Variants in APBA2 observed in about 807,000 individuals in gnomAD.
APBA2 encodes amyloid beta precursor protein binding family A member 2.
In APBA2, 30 loss-of-function variants were observed where a neutral mutation model predicts 75.0. The observed-to-expected ratio is 0.40, with a 90% CI of 0.30 to 0.54. The LOEUF is 0.54. APBA2 is among the 20% of genes least tolerant of loss of function. APBA2 has a pLI of 0.49. For missense variants in APBA2, 801 were observed against 1,016.1 expected (o/e 0.79, Z 2.88); for synonymous variants, 444 against 409.6 (o/e 1.08, Z -1.01).
intron 13 of APBA2, among the ~76,000 whole-genome samples, chr15:29,112,561 GA>G (rs2044793335): frequency 6.6e-6 from 1 of 152,150 alleles, no homozygotes; most frequent in Non-Finnish European, 1.5e-5. Flanking sequence ...TCCAGGATAA[GA>G]GGGCCCTGGG....
At chr15:28,997,866 C>T (rs2038616690) in intron 3 of APBA2, among the ~76,000 whole-genome samples, 1 of 152,210 alleles carries the variant, frequency 6.6e-6, no homozygotes, top group South Asian at 2.1e-4. Flanking sequence ...TGCTCTCACC[C>T]ATCTGCAGTG....
At chr15:29,007,403 A>G (rs527952678) in intron 3 of APBA2, among the ~76,000 whole-genome samples, 1 of 152,338 alleles carries the variant, frequency 6.6e-6, no homozygotes, top group South Asian at 2.1e-4. Context: ...ATCTAATATA[A>G]AAACTTCCTC....
intron 4 of APBA2, among the ~76,000 whole-genome samples, chr15:29,062,692 A>T (rs2042182396): frequency 6.6e-6 from 1 of 152,188 alleles, no homozygotes; most frequent in African/African-American, 2.4e-5. Context: ...CAGAGCATGT[A>T]AAGCTCTCCC....
At chr15:28,891,015 A>G (rs1346300809) in intron 1 of APBA2, among the ~76,000 whole-genome samples, 2 of 152,024 alleles carry the variant, frequency 1.3e-5, no homozygotes, top group Non-Finnish European at 2.9e-5. Context: ...AAGTTAAGAG[A>G]AAAAAAATAT....
At chr15:29,076,635 C>T (rs1177001037) in intron 6 of APBA2, among the ~76,000 whole-genome samples, 1 of 152,118 alleles carries the variant, frequency 6.6e-6, no homozygotes, top group Admixed American at 6.5e-5. Context: ...TGCAGGGCCC[C>T]TGTAGGAGAT....
At chr15:29,095,782 G>C (rs2043821649) in intron 8 of APBA2, among the ~76,000 whole-genome samples, 1 of 152,232 alleles carries the variant, frequency 6.6e-6, no homozygotes, top group Admixed American at 6.5e-5. Flanking sequence ...AGGAGCAGGA[G>C]AGGAAGGATC....
rs187302261 is a variant in APBA2 at position 29,054,018 on chromosome 15, G to A, written c.134G>A (p.Gly45Asp). 119 of 1,613,894 alleles carry A rather than the reference G, an allele frequency of 7.4e-5. No homozygotes were observed. In the Admixed American group the frequency reaches 1.9e-3, roughly 25 times the overall value. ...CCCTTGGAGGGCTATGTGCCCGAGGGCCTGGAGCTGGCTGCCCTGCGGCCA... is the reference window on the plus strand; with the variant it reads ...CCCTTGGAGGGCTATGTGCCCGAGGACCTGGAGCTGGCTGCCCTGCGGCCA... ...ELPLEGYVPE[G>D]LELAALRPES... Residue 45 changes from glycine to aspartate, a missense_variant, in exon 4 of 15, where the codon GGC becomes GAC. This residue lies in a region of APBA2 where 434 missense variants were observed against 471.6 expected (regional missense o/e 0.92). Coordinates refer to ENST00000683413, the MANE Select transcript of APBA2 (RefSeq NM_001353788.2). This position sits in a 1 kb window ranked among gnomAD's most constrained non-coding sequence, Gnocchi z 6.1.
intron 1 of APBA2, among the ~76,000 whole-genome samples, chr15:28,892,326 C>T (rs140159633): frequency 0.27 from 41,331 of 152,094 alleles, 5,905 homozygotes; most frequent in Non-Finnish European, 0.3. Context: ...CCGCCCACCT[C>T]GGCCTCCCAA....
chr15:28,978,177 C>T (rs1438259025), intron 2 of APBA2, among the ~76,000 whole-genome samples: 1 of 152,204 alleles, frequency 6.6e-6, no homozygotes, highest in Admixed American at 6.5e-5. Context: ...CCCTCTTGGG[C>T]GTTTGCCAAA....
At chr15:29,015,091 G>T (rs879238955) in intron 3 of APBA2, among the ~76,000 whole-genome samples, 2 of 152,104 alleles carry the variant, frequency 1.3e-5, no homozygotes, top group Non-Finnish European at 2.9e-5. Context: ...TGTGCCTGAA[G>T]AATAGCGCTT....
intron 3 of APBA2, among the ~76,000 whole-genome samples, chr15:28,997,833 A>C (rs970448724): frequency 2.6e-5 from 4 of 152,210 alleles, no homozygotes; most frequent in African/African-American, 9.6e-5. Flanking sequence ...GCAATAGAGA[A>C]GGTGCTGGGC....
At chr15:28,922,237 G>T (rs939801884) in intron 2 of APBA2, among the ~76,000 whole-genome samples, 1 of 152,116 alleles carries the variant, frequency 6.6e-6, no homozygotes, top group Non-Finnish European at 1.5e-5. Flanking sequence ...GGTTCTTTCC[G>T]CTCGACCTGG....
chr15:29,108,033 G>A (rs138112539), intron 12 of APBA2, among the ~76,000 whole-genome samples: 114 of 152,296 alleles, frequency 7.5e-4, no homozygotes, highest in African/African-American at 2.3e-3. Context: ...GGCACCCTGC[G>A]CATGGTGGGA....
intron 3 of APBA2, among the ~76,000 whole-genome samples, chr15:29,006,561 C>T (rs1431245083): frequency 6.6e-6 from 1 of 152,214 alleles, no homozygotes; most frequent in Non-Finnish European, 1.5e-5. Context: ...AATGGACTCA[C>T]AGTTCCACAT....
chr15:28,911,729 T>C (rs1013533638), intron 1 of APBA2, among the ~76,000 whole-genome samples: 1 of 152,226 alleles, frequency 6.6e-6, no homozygotes, highest in African/African-American at 2.4e-5. Context: ...AGTCCCCCCT[T>C]GGCTGTGCTG....
chr15:29,094,011 C>G (rs761425496), intron 7 of APBA2, among the ~76,000 whole-genome samples: 3 of 152,248 alleles, frequency 2.0e-5, no homozygotes, highest in Non-Finnish European at 2.9e-5. Flanking sequence ...GAGCTCAGCT[C>G]CCCTTCCTGC....
chr15:28,908,404 A>G (rs1022181136), intron 1 of APBA2, among the ~76,000 whole-genome samples: 5 of 150,040 alleles, frequency 3.3e-5, no homozygotes, highest in African/African-American at 5.0e-5. Flanking sequence ...TCCGCCTCCC[A>G]GGTTCACGCC....
intron 2 of APBA2, among the ~76,000 whole-genome samples, chr15:28,953,398 T>C (rs1290578195): frequency 6.6e-6 from 1 of 152,088 alleles, no homozygotes. Context: ...AGAAGTCTCT[T>C]GCTCCCACTC....
Position 29,101,637 on chromosome 15 carries a change from C to T in APBA2, c.1377C>T (p.Tyr459=). 6.2e-7 allele frequency: 1 copy of T among 1,613,708 alleles called. No homozygotes were observed. Among genetic ancestry groups the T allele is most frequent in the African/African-American group, 1.3e-5 (1 of 75,076 alleles). Residue 459 remains tyrosine (Y), a synonymous_variant, in exon 10 of 15, where the codon TAC becomes TAT. Transcript: ENST00000683413. ...ACCACGCCTTGCGTACCATCTCCTACATCGCCGACATTGGGAACATTGTAG... is the reference window on the plus strand; with the variant it reads ...ACCACGCCTTGCGTACCATCTCCTATATCGCCGACATTGGGAACATTGTAG... ...MMDHALRTIS[Y]IADIGNIVVL...
Sources: allele counts gnomAD v4.1 joint callset (sites outside exome capture counted in the v4.1 genomes callset), GRCh38; gene constraint gnomAD v4.1.1; regional missense constraint gnomAD v4.1.1; non-coding constraint Gnocchi (gnomAD v3.1); transcripts MANE v1.5; gene names NCBI Gene and HGNC (gene_info 2026-07-23, HGNC 2026-07-21).